Variants in MEIOSIN observed in about 807,000 individuals in gnomAD.
MEIOSIN encodes meiosis initiator protein.
A neutral mutation model predicts 23.4 loss-of-function variants in MEIOSIN; 18 were observed. The observed-to-expected ratio is 0.77, with a 90% CI of 0.53 to 1.14. MEIOSIN has a LOEUF of 1.14. Ranked by LOEUF, MEIOSIN falls within the 50% of genes most tolerant of loss-of-function variation. MEIOSIN has a pLI of 0.00. For missense variants in MEIOSIN, 428 were observed against 242.9 expected, an observed-to-expected ratio of 1.76 and a Z score of -5.07; for synonymous variants, 187 against 100.6, an observed-to-expected ratio of 1.86 and a Z score of -5.14.
chr19:45,757,423 C>A, intron 9 of MEIOSIN, 146 bp downstream of exon 9: 1 of 545,900 alleles, frequency 1.8e-6, no homozygotes, highest in Non-Finnish European at 3.3e-6. Context: ...GTGCACCTGC[C>A]AGCTCTCCGC....
intron 3 of MEIOSIN, among the ~76,000 whole-genome samples, chr19:45,740,045 C>A (rs990126622): frequency 1.3e-5 from 2 of 152,150 alleles, no homozygotes; most frequent in African/African-American, 4.8e-5. Context: ...AACAGGGTTT[C>A]ACCATGTTAG....
chr19:45,749,695 C>CAA (rs1220005971), intron 4 of MEIOSIN, among the ~76,000 whole-genome samples: 2,593 of 72,282 alleles, frequency 0.036, 131 homozygotes, highest in African/African-American at 0.12. Flanking sequence ...AAAAAAAGCG[C>CAA]AAAAAAAAAA....
rs562245972 is a variant in MEIOSIN, at chr19:45,757,251, C to G, written c.986C>G (p.Ala329Gly). 7 of 702,934 alleles carry G rather than the reference C, an allele frequency of 1.0e-5. 1 individual carries two copies. Among genetic ancestry groups the G allele is most frequent in the East Asian group, 5.4e-5 (2 of 37,288 alleles). 43.5% of individuals were successfully genotyped at this position (702,934 alleles called of 1,614,324 possible). The change falls in exon 9 of 15, where the codon GCC (alanine) becomes GGC (glycine). Residue 329 changes from alanine to glycine, a missense_variant. Physicochemically the swap from Ala to Gly is moderately conservative, Grantham distance 60 (BLOSUM62 0). Transcript: ENST00000457052. Reference sequence around the variant, plus strand: ...CTAGACGCTGACCCTTGGCTCCCTGCCTGGACCCCAGAGAACAGCCCCCAA... The same window carrying G: ...CTAGACGCTGACCCTTGGCTCCCTGGCTGGACCCCAGAGAACAGCCCCCAA... Reference protein sequence around the residue: ...GSLDADPWLPAWTPENSPQGS... With the variant: ...GSLDADPWLPGWTPENSPQGS...
At chr19:45,739,309 C>T (rs961064915) in intron 2 of MEIOSIN, among the ~76,000 whole-genome samples, 6 of 152,004 alleles carry the variant, frequency 3.9e-5, no homozygotes, top group African/African-American at 1.4e-4. Context: ...TGCTACCAGG[C>T]CTGGCTAATT....
rs560694946 is a variant in MEIOSIN, at chr19:45,745,358, G to T, written c.306+37G>T. On this transcript the variant is annotated intron_variant, in intron 4 of 14. Coordinates refer to ENST00000457052, the MANE Select transcript of MEIOSIN (RefSeq NM_001310124.2). Reference sequence around the variant, plus strand: ...AGAGGAGAGGGGCCAGATTTGGGACGCAGGTCTTTAAATAGCAGCAAATGG... The same window carrying T: ...AGAGGAGAGGGGCCAGATTTGGGACTCAGGTCTTTAAATAGCAGCAAATGG... 2.0e-5 allele frequency: 14 copies of T among 691,218 alleles called. No homozygotes were observed. The Admixed American group carries it at 2.5e-4, about 12-fold the overall frequency. The allele number at this position is 691,218 out of a possible 1,614,324, so 42.8% of individuals were successfully genotyped here.
chr19:45,745,073 G>T, intron 3 of MEIOSIN, 119 bp from the exon 4 acceptor site: 1 of 648,946 alleles, frequency 1.5e-6, no homozygotes, highest in Non-Finnish European at 2.8e-6. Context: ...TTCTGTCCTC[G>T]GTGTCCAGGG....
Position 45,757,273 on chromosome 19 carries a change from C to T in MEIOSIN, c.1008C>T (p.Pro336=). Residue 336 remains proline, a synonymous_variant, in exon 9 of 15, where the codon CCC becomes CCT. Transcript: ENST00000457052. ...CTGCCTGGACCCCAGAGAACAGCCC[C>T]CAAGGTGACTGCAACTCTGTCTCTC... ...WLPAWTPENS[P]QGSPLFLGPP... is the part of the protein sequence containing the mutation. 2.8e-6 allele frequency: 2 copies of T among 702,460 alleles called. No individual in the cohort carries two copies. The highest frequency in any genetic ancestry group is 5.2e-6 in the Non-Finnish European group (2 of 384,622). The allele number at this position is 702,460 out of a possible 1,614,324, so 43.5% of individuals were successfully genotyped here. A position where few individuals can be genotyped will look rare whatever the true frequency, so the allele number is the denominator to read the frequency against.
rs1278890218 is a variant in MEIOSIN, at chr19:45,761,920, C to T, written c.1435-19C>T. The T allele has an allele frequency of 1.6e-6, 1 of 606,598 alleles. No homozygotes were observed. Among genetic ancestry groups the T allele is most frequent in the Admixed American group, 2.6e-5 (1 of 38,322 alleles). 37.6% of individuals were successfully genotyped at this position (606,598 alleles called of 1,614,324 possible). On this transcript the variant is annotated intron_variant, in intron 12 of 14. Coordinates refer to ENST00000457052, the MANE Select transcript of MEIOSIN (RefSeq NM_001310124.2). Reference sequence around the variant, plus strand: ...CAGCAGGGCCTCCTTCCTCTCTCACCACCCTCTCCCTCCCCCAGGATATGC... The same window carrying T: ...CAGCAGGGCCTCCTTCCTCTCTCACTACCCTCTCCCTCCCCCAGGATATGC...
intron 4 of MEIOSIN, among the ~76,000 whole-genome samples, chr19:45,747,633 G>A (rs1968618698): frequency 6.6e-6 from 1 of 152,222 alleles, no homozygotes; most frequent in African/African-American, 2.4e-5. Flanking sequence ...CAGACCTTGA[G>A]TGCTAAGTGT....
chr19:45,736,172 G>A (rs764367181), intron 2 of MEIOSIN, among the ~76,000 whole-genome samples: 12 of 151,966 alleles, frequency 7.9e-5, no homozygotes, highest in Middle Eastern at 3.4e-3. Context: ...TCAGCCTTCC[G>A]AACAGCTAAG....
intron 3 of MEIOSIN, among the ~76,000 whole-genome samples, chr19:45,743,580 G>A (rs1194399907): frequency 1.3e-5 from 2 of 152,042 alleles, no homozygotes; most frequent in Non-Finnish European, 2.9e-5. Context: ...GGAGTGCAGT[G>A]GTGCGATCTT....
At chr19:45,746,832 A>G (rs943843566) in intron 4 of MEIOSIN, among the ~76,000 whole-genome samples, 1 of 152,192 alleles carries the variant, frequency 6.6e-6, no homozygotes, top group East Asian at 1.9e-4. Flanking sequence ...AAAGAAAAAA[A>G]AAAAAAAAGA....
intron 5 of MEIOSIN, among the ~76,000 whole-genome samples, chr19:45,752,033 GTTTT>G (rs36122176): frequency 1.4e-4 from 9 of 64,124 alleles, no homozygotes; most frequent in Non-Finnish European, 1.7e-4. Flanking sequence ...GCTCCTAGCC[GTTTT>G]TTTTTTTTTT....
At chr19:45,761,187 C>T (rs531747650) in intron 11 of MEIOSIN, among the ~76,000 whole-genome samples, 3 of 150,692 alleles carry the variant, frequency 2.0e-5, no homozygotes, top group East Asian at 3.9e-4. Flanking sequence ...TGCAGTGGTA[C>T]GATCTCGGCT....
chr19:45,739,838 A>T, intron 3 of MEIOSIN, 108 bp downstream of exon 3: 1 of 637,582 alleles, frequency 1.6e-6, no homozygotes, highest in Non-Finnish European at 2.8e-6. Flanking sequence ...CTGTACACAC[A>T]TGCTTTCTTT....
At chr19:45,758,581 A>G (rs1968880160) in intron 9 of MEIOSIN, among the ~76,000 whole-genome samples, 1 of 151,746 alleles carries the variant, frequency 6.6e-6, no homozygotes. Context: ...GGCACGTGCC[A>G]CTACCCCCAG....
intron 5 of MEIOSIN, among the ~76,000 whole-genome samples, chr19:45,752,954 G>A (rs1424449335): frequency 4.7e-5 from 6 of 126,762 alleles, no homozygotes; most frequent in Admixed American, 3.1e-4. Flanking sequence ...GCGGAGTCTC[G>A]CTCTTTTCGC....
chr19:45,760,925 A>C (rs1968925226), intron 11 of MEIOSIN, among the ~76,000 whole-genome samples: 1 of 98,490 alleles, frequency 1.0e-5, no homozygotes, highest in Non-Finnish European at 2.4e-5. Context: ...ACTCCGTCTC[A>C]AAAAAAAAAA....
intron 14 of MEIOSIN, among the ~76,000 whole-genome samples, 181 bp from the exon 15 acceptor site, chr19:45,763,790 C>T (rs1430069779): frequency 6.6e-6 from 1 of 152,222 alleles, no homozygotes. Flanking sequence ...TGACTTTGAA[C>T]ACATCCCAGA....
Sources: allele counts gnomAD v4.1 joint callset (sites outside exome capture counted in the v4.1 genomes callset), GRCh38; gene constraint gnomAD v4.1.1; transcripts MANE v1.5; gene names NCBI Gene and HGNC (gene_info 2026-07-23, HGNC 2026-07-21).